TMPRSS11D: variants seen among roughly 807,000 people sequenced by gnomAD.
TMPRSS11D encodes the protein transmembrane protease serine 11D.
Under a neutral mutation model 44.4 loss-of-function variants are expected in TMPRSS11D, and 32 were observed. The observed-to-expected ratio is 0.72, with a 90% CI of 0.54 to 0.97. TMPRSS11D has a LOEUF of 0.97. Ranked by LOEUF, TMPRSS11D falls within the 50% of genes least tolerant of loss-of-function variation. The pLI is 0.00. For missense variants in TMPRSS11D, 446 were observed against 502.6 expected (o/e 0.89, Z 1.08); for synonymous variants, 179 against 177.9 (o/e 1.01, Z -0.05).
intron 4 of TMPRSS11D, among the ~76,000 whole-genome samples, chr4:67,841,061 A>G (rs926981017): frequency 6.6e-6 from 1 of 152,180 alleles, no homozygotes; most frequent in African/African-American, 2.4e-5. Flanking sequence ...AAGCAATGCT[A>G]AAAAAGAGCC....
At chr4:67,824,459 G>C (rs1057207812) in intron 9 of TMPRSS11D, among the ~76,000 whole-genome samples, 1 of 152,024 alleles carries the variant, frequency 6.6e-6, no homozygotes, top group Non-Finnish European at 1.5e-5. Flanking sequence ...TGAAACTTGA[G>C]AATTTGTTGT....
At chr4:67,864,491 G>C (rs1197160763) in intron 1 of TMPRSS11D, among the ~76,000 whole-genome samples, 1 of 151,844 alleles carries the variant, frequency 6.6e-6, no homozygotes, top group Admixed American at 6.6e-5. Context: ...AAAGAAATGA[G>C]AAAGAGAAAG....
At chr4:67,841,145 G>A (rs10022223) in intron 4 of TMPRSS11D, among the ~76,000 whole-genome samples, 105,110 of 151,948 alleles carry the variant, frequency 0.69, 39,572 homozygotes, top group Middle Eastern at 0.83. Context: ...CAAGTAGATG[G>A]CTGCATATAT....
At chr4:67,826,751 C>G (rs1158120888) in intron 8 of TMPRSS11D, among the ~76,000 whole-genome samples, 1 of 135,006 alleles carries the variant, frequency 7.4e-6, no homozygotes, top group Non-Finnish European at 1.6e-5. Context: ...GAGCAAGAAC[C>G]TGTCTGTAGA....
At chr4:67,846,674 A>C (rs989239048) in intron 3 of TMPRSS11D, among the ~76,000 whole-genome samples, 1 of 152,188 alleles carries the variant, frequency 6.6e-6, no homozygotes. Context: ...ACCAATTGAA[A>C]GGTGTTGTGT....
At chr4:67,857,010 A>G (rs1312806004) in intron 2 of TMPRSS11D, among the ~76,000 whole-genome samples, 2 of 152,086 alleles carry the variant, frequency 1.3e-5, no homozygotes, top group Admixed American at 6.6e-5. Flanking sequence ...TGCAGAGAGA[A>G]GAGAATTCTT....
At chr4:67,845,481 G>A (rs895478358) in intron 3 of TMPRSS11D, among the ~76,000 whole-genome samples, 2 of 152,106 alleles carry the variant, frequency 1.3e-5, no homozygotes, top group Admixed American at 6.6e-5. Flanking sequence ...AGTAGTTAAC[G>A]TGTATTAAAA....
rs781719370 is a variant in TMPRSS11D, at chr4:67,842,611, G to C, written c.264C>G (p.Phe88Leu). The part of the protein sequence containing the change: ...GRIESLITKT[F>L]KESNLRNQFI... ...ACTGATTTCTTAAATTTGATTCTTT[G>C]AATGTTTTAGTAATCTGTAGAAAGA... The change falls in exon 4 of 10, where the codon TTC becomes TTG. Residue 88 changes from phenylalanine to leucine, a missense_variant. Coordinates refer to ENST00000283916, the MANE Select transcript of TMPRSS11D (RefSeq NM_004262.3). The C allele has an allele frequency of 1.2e-6, 2 of 1,606,104 alleles. No individual in the cohort carries two copies. Among genetic ancestry groups the C allele is most frequent in the East Asian group, 4.5e-5 (2 of 44,698 alleles).
intron 1 of TMPRSS11D, among the ~76,000 whole-genome samples, chr4:67,869,879 C>A (rs1020825757): frequency 1.3e-5 from 2 of 152,286 alleles, no homozygotes; most frequent in Admixed American, 1.3e-4. Context: ...TATAGATCTT[C>A]CCCATTAGTT....
At position 67,859,629 on chromosome 4, in the gene TMPRSS11D, A is replaced by T; in HGVS notation, c.58T>A (p.Cys20Ser). 1 of 1,613,246 alleles carries T rather than the reference A, an allele frequency of 6.2e-7. No homozygotes were observed. Among genetic ancestry groups the T allele is most frequent in the Non-Finnish European group, 8.5e-7 (1 of 1,179,380 alleles). ...TSRFLNPYVV[C>S]FIVVAGVVIL... is the part of the protein sequence containing the mutation. Reference sequence around the variant, plus strand: ...ACTACCCCTGCGACGACAATGAAACATACTACATATGGATTCAGAAATCTT... The same window carrying T: ...ACTACCCCTGCGACGACAATGAAACTTACTACATATGGATTCAGAAATCTT... Residue 20 changes from cysteine (C) to serine (S), a missense_variant, in exon 2 of 10, where the codon TGT (cysteine) becomes AGT (serine). Coordinates refer to ENST00000283916, the MANE Select transcript of TMPRSS11D (RefSeq NM_004262.3).
At position 67,821,703 on chromosome 4, in the gene TMPRSS11D, T is replaced by G. The variant is rs1717647148; in HGVS notation, c.*634A>C. On this transcript the variant is annotated 3_prime_UTR_variant, in exon 10 of 10. Coordinates refer to ENST00000283916, the MANE Select transcript of TMPRSS11D (RefSeq NM_004262.3). ...AGTTGAGGAGTGAACTATTTTAGCTTTTGCCTTAAATAGCTGAAAATTATC... is the reference window on the plus strand; with the variant it reads ...AGTTGAGGAGTGAACTATTTTAGCTGTTGCCTTAAATAGCTGAAAATTATC... 6.6e-6 allele frequency: 1 copy of G among 152,100 alleles called. No homozygotes were observed. The highest frequency in any genetic ancestry group is 1.5e-5 in the Non-Finnish European group (1 of 68,012). The allele number at this position is 152,100 out of a possible 1,614,324, so 9.4% of individuals were successfully genotyped here.
chr4:67,859,317 T>C (rs1347453919), intron 2 of TMPRSS11D, among the ~76,000 whole-genome samples: 9 of 151,996 alleles, frequency 5.9e-5, no homozygotes, highest in African/African-American at 2.2e-4. Flanking sequence ...AGTAACAATG[T>C]TTGGTATACT....
intron 1 of TMPRSS11D, among the ~76,000 whole-genome samples, chr4:67,871,748 G>T (rs1337902451): frequency 6.6e-6 from 1 of 152,102 alleles, no homozygotes; most frequent in Non-Finnish European, 1.5e-5. Context: ...GAGGCCTTTT[G>T]TGTCTGCAAA....
chr4:67,825,923 T>G lies in TMPRSS11D; in HGVS notation c.953-49A>C, dbSNP rs766170183. 14 of 1,516,352 alleles carry G rather than the reference T, an allele frequency of 9.2e-6. No individual in the cohort carries two copies. In the South Asian group the frequency reaches 1.6e-4, roughly 17 times the overall value. 93.9% of individuals were successfully genotyped at this position (1,516,352 alleles called of 1,614,324 possible). A position where few individuals can be genotyped will look rare whatever the true frequency, so the allele number is the denominator to read the frequency against. On this transcript the variant is annotated intron_variant, in intron 8 of 9. Transcript: ENST00000283916. ...AAAATGGACTTCAAGATGTGTACAT[T>G]ATTGACCCTATAATAAATTTGAGAA... is the stretch of plus-strand genomic sequence containing the variant.
At chr4:67,842,095 C>T (rs1021249673) in intron 4 of TMPRSS11D, among the ~76,000 whole-genome samples, 2 of 152,122 alleles carry the variant, frequency 1.3e-5, no homozygotes, top group African/African-American at 2.4e-5. Context: ...ATAGACATGC[C>T]TTGGATTTGG....
intron 1 of TMPRSS11D, among the ~76,000 whole-genome samples, chr4:67,866,735 A>G (rs1278161301): frequency 6.6e-6 from 1 of 152,008 alleles, no homozygotes; most frequent in East Asian, 1.9e-4. Context: ...TCCTATTTAT[A>G]ATAGATTAAA....
At chr4:67,827,225 A>G (rs759548762) in intron 8 of TMPRSS11D, 36 bp downstream of exon 8, 2 of 1,559,176 alleles carry the variant, frequency 1.3e-6, no homozygotes, top group East Asian at 4.5e-5. Context: ...AATATAAGAC[A>G]TTTCTATTGT....
intron 4 of TMPRSS11D, among the ~76,000 whole-genome samples, chr4:67,841,648 C>T (rs1345825431): frequency 2.8e-4 from 43 of 152,152 alleles, no homozygotes; most frequent in Non-Finnish European, 4.3e-4. Context: ...TCAGGGCTTA[C>T]TCACTTTTGA....
chr4:67,848,593 A>G (rs1718415481), intron 3 of TMPRSS11D, among the ~76,000 whole-genome samples: 1 of 152,224 alleles, frequency 6.6e-6, no homozygotes, highest in Non-Finnish European at 1.5e-5. Flanking sequence ...ACCTGAGCCA[A>G]TTAATGATAT....
Sources: allele counts gnomAD v4.1 joint callset (sites outside exome capture counted in the v4.1 genomes callset), GRCh38; gene constraint gnomAD v4.1.1; transcripts MANE v1.5; gene names NCBI Gene and HGNC (gene_info 2026-07-23, HGNC 2026-07-21).